Variants in PADI3 observed in about 807,000 individuals in gnomAD.
PADI3 encodes the protein protein-arginine deiminase type-3.
In PADI3, 53 loss-of-function variants were observed where a neutral mutation model predicts 71.5. The ratio of observed to expected loss-of-function variants is 0.74; its 90% confidence interval spans 0.59 to 0.93. The LOEUF (loss-of-function observed/expected upper bound fraction) is 0.93, where lower values mean the gene tolerates loss of function less well. Ranked by LOEUF, PADI3 falls within the 40% of genes least tolerant of loss-of-function variation. PADI3 has a pLI of 0.00. For synonymous variants in PADI3, 361 were observed against 347.5 expected (o/e 1.04, Z -0.43); for missense variants, 821 against 868.0 (o/e 0.95, Z 0.68).
At chr1:17,254,190 G>C (rs531112957) in intron 1 of PADI3, among the ~76,000 whole-genome samples, 5 of 152,294 alleles carry the variant, frequency 3.3e-5, no homozygotes, top group Admixed American at 3.3e-4. Context: ...TGATGAGGCT[G>C]GCAGCGTCGG....
At chr1:17,266,880 G>T (rs1336402362) in intron 5 of PADI3, 44 bp downstream of exon 5, 1 of 1,438,054 alleles carries the variant, frequency 7.0e-7, no homozygotes, top group South Asian at 1.1e-5. Flanking sequence ...CAGGGTCACT[G>T]CTCAGTTACC....
At chr1:17,255,628 C>T (rs1019454217) in intron 1 of PADI3, among the ~76,000 whole-genome samples, 2 of 152,148 alleles carry the variant, frequency 1.3e-5, no homozygotes, top group Non-Finnish European at 2.9e-5. Flanking sequence ...AGCAGCTGCC[C>T]CTCTCATTCT....
intron 4 of PADI3, among the ~76,000 whole-genome samples, chr1:17,266,311 T>C (rs1391868948): frequency 1.3e-5 from 2 of 151,938 alleles, no homozygotes; most frequent in African/African-American, 4.8e-5. Flanking sequence ...GCTGGGTGGG[T>C]GAGGAAGGCT....
intron 1 of PADI3, among the ~76,000 whole-genome samples, chr1:17,250,202 G>A (rs886895985): frequency 6.6e-5 from 10 of 152,058 alleles, no homozygotes; most frequent in African/African-American, 2.4e-4. Context: ...CAGAACTGTG[G>A]GACAGCTCTC....
chr1:17,271,163 C>T lies in PADI3; in HGVS notation c.1032C>T (p.Asn344=), dbSNP rs147183978. Residue 344 remains asparagine, a synonymous_variant, in exon 9 of 16, where the codon AAC becomes AAT. Coordinates refer to ENST00000375460, the MANE Select transcript of PADI3 (RefSeq NM_016233.2). ...LTICPQAENR[N]DRWIQDEMEL... ...TCTGCCCACAGGCCGAGAACCGCAA[C>T]GACCGCTGGATCCAGGTAACCACAG... 1.5e-4 allele frequency: 234 copies of T among 1,612,986 alleles called. No individual in the cohort carries two copies. In the African/African-American group the frequency reaches 2.3e-3, roughly 16 times the overall value.
At chr1:17,255,511 T>C (rs1569878266) in intron 1 of PADI3, among the ~76,000 whole-genome samples, 1 of 152,184 alleles carries the variant, frequency 6.6e-6, no homozygotes, top group South Asian at 2.1e-4. Flanking sequence ...CAGCTCGAGG[T>C]GGCCTGGAGA....
In PADI3 at chr1:17,267,907, T is replaced by C. The variant is rs201198322; in HGVS notation, c.597T>C (p.Leu199=). ...GPAALFDDHK[L]VLHTSSYDAK... is the part of the protein sequence containing the mutation. ...CAGCCCTCTTTGATGACCACAAACTTGTCCTCCATACCTCCAGCTATGATG... is the reference window on the plus strand; with the variant it reads ...CAGCCCTCTTTGATGACCACAAACTCGTCCTCCATACCTCCAGCTATGATG... The change falls in exon 6 of 16, where the codon CTT becomes CTC. Residue 199 remains leucine (L), a synonymous_variant. Coordinates refer to ENST00000375460, the MANE Select transcript of PADI3 (RefSeq NM_016233.2). The C allele has an allele frequency of 1.7e-4, 268 of 1,614,078 alleles. No individual in the cohort carries two copies. Among genetic ancestry groups the C allele is most frequent in the Non-Finnish European group, 2.1e-4 (248 of 1,180,042 alleles).
chr1:17,272,360 A>C (rs1361663444), intron 9 of PADI3, among the ~76,000 whole-genome samples: 1 of 152,126 alleles, frequency 6.6e-6, no homozygotes, highest in African/African-American at 2.4e-5. Flanking sequence ...TCTTGGCCGG[A>C]GGTCAGTCCA....
chr1:17,271,852 A>AG (rs1288615601), intron 9 of PADI3, among the ~76,000 whole-genome samples: 4 of 145,356 alleles, frequency 2.8e-5, no homozygotes, highest in African/African-American at 1.1e-4. Flanking sequence ...AAAAAAAAAA[A>AG]AAAGAGAGAG....
chr1:17,256,285 G>A (rs113066773), intron 1 of PADI3, among the ~76,000 whole-genome samples: 10 of 152,310 alleles, frequency 6.6e-5, no homozygotes, highest in African/African-American at 2.4e-4. Context: ...TGGCCAAGTA[G>A]GTGTCATTAT....
chr1:17,270,412 G>T lies in PADI3; in HGVS notation c.831+1G>T. On this transcript the variant is annotated splice_donor_variant, in intron 7 of 15. Transcript: ENST00000375460. LOFTEE classifies it high-confidence loss of function. ...CACTCTGCTGGACGACTCCAACGAG[G>T]TAGGGACAGAGGGGGTTCAAGAGGA... 1.2e-6 allele frequency: 2 copies of T among 1,612,198 alleles called. No individual in the cohort carries two copies. The highest frequency in any genetic ancestry group is 1.7e-6 in the Non-Finnish European group (2 of 1,179,104).
chr1:17,270,244 G>A lies in PADI3; in HGVS notation c.664G>A (p.Val222Met). The A allele has an allele frequency of 6.2e-7, 1 of 1,611,282 alleles. No individual in the cohort carries two copies. Among genetic ancestry groups the A allele is most frequent in the Non-Finnish European group, 8.5e-7 (1 of 1,178,500 alleles). ...CCCTCCCCTTCCAGGTCCTGAGGATGTGTGTGAGGCCTATAGGCATGTGCT... is the reference window on the plus strand; with the variant it reads ...CCCTCCCCTTCCAGGTCCTGAGGATATGTGTGAGGCCTATAGGCATGTGCT... ...QVFHICGPED[V>M]CEAYRHVLGQ... is the part of the protein sequence containing the mutation. The change falls in exon 7 of 16, where the codon GTG becomes ATG. Residue 222 changes from valine to methionine, a missense_variant. Transcript: ENST00000375460.
chr1:17,255,669 G>A (rs975503629), intron 1 of PADI3, among the ~76,000 whole-genome samples: 1 of 152,162 alleles, frequency 6.6e-6, no homozygotes. Context: ...ACAGGCATGA[G>A]CACTGGACTG....
rs367815031 is a variant in PADI3 at position 17,275,975 on chromosome 1, G to T, written c.1308-544G>T. Among the ~76,000 whole-genome samples, 101 of 152,194 alleles carry T rather than the reference G, an allele frequency of 6.6e-4. No individual in the cohort carries two copies. In the South Asian group the frequency reaches 0.016, roughly 24 times the overall value. ...GGATGGTGGGACCTGGTAGGTCATT[G>T]CCCTGGTGTGACTGACCTGTCCTGA... On this transcript the variant is annotated intron_variant, in intron 11 of 15. Coordinates refer to ENST00000375460, the MANE Select transcript of PADI3 (RefSeq NM_016233.2).
At chr1:17,250,322 G>A (rs538350683) in intron 1 of PADI3, among the ~76,000 whole-genome samples, 2 of 152,312 alleles carry the variant, frequency 1.3e-5, no homozygotes, top group Admixed American at 6.5e-5. Context: ...AGGATGGAGA[G>A]CAGCATTCTG....
At chr1:17,276,902 T>C (rs775867165) in intron 13 of PADI3, 26 bp downstream of exon 13, 1 of 1,571,890 alleles carries the variant, frequency 6.4e-7, no homozygotes, top group South Asian at 1.1e-5. Flanking sequence ...GTGTCCCTCC[T>C]TGCGGCTTGC....
intron 9 of PADI3, among the ~76,000 whole-genome samples, chr1:17,273,035 C>T (rs1227423908): frequency 6.6e-6 from 1 of 152,180 alleles, no homozygotes; most frequent in Non-Finnish European, 1.5e-5. Flanking sequence ...GTGAGTGCTT[C>T]TCTGTGTCCA....
At chr1:17,276,744 G>A in intron 12 of PADI3, 30 bp from the exon 13 acceptor site, 1 of 1,613,744 alleles carries the variant, frequency 6.2e-7, no homozygotes, top group Non-Finnish European at 8.5e-7. Flanking sequence ...CAAGGCAGGA[G>A]GCTCAGCTGA....
chr1:17,252,529 G>A (rs948418175), intron 1 of PADI3, among the ~76,000 whole-genome samples: 9 of 151,352 alleles, frequency 5.9e-5, no homozygotes, highest in South Asian at 4.2e-4. Context: ...TCAGCCTCCC[G>A]AGTAGCTGGG....
Sources: gnomAD v4.1 joint callset for allele counts (sites outside exome capture counted in the v4.1 genomes callset) on GRCh38, gnomAD v4.1.1 for gene constraint, MANE v1.5 for transcripts, NCBI Gene and HGNC (gene_info 2026-07-23, HGNC 2026-07-21) for gene names.